SSR1: variants seen among roughly 807,000 people sequenced by gnomAD.
The protein encoded by SSR1 is signal sequence receptor subunit 1, also known as translocon-associated protein subunit alpha.
SSR1 carries 13 observed loss-of-function variants against 36.1 expected under a neutral mutation model. That is an observed-to-expected ratio of 0.36 (90% CI 0.23 to 0.57). The LOEUF (loss-of-function observed/expected upper bound fraction) is 0.57, where lower values mean the gene tolerates loss of function less well. Among genes scored for constraint, SSR1 ranks in the 20% least tolerant of loss-of-function variants. The probability of loss-of-function intolerance (pLI) is 0.81; values close to 1 mark genes in which losing one functional copy is unlikely to be tolerated. For synonymous variants in SSR1, 113 were observed against 118.9 expected (o/e 0.95, Z 0.32); for missense variants, 291 against 338.5 (o/e 0.86, Z 1.10).
chr6:7,303,918 T>TAA (rs1339442206), intron 2 of SSR1, among the ~76,000 whole-genome samples: 1 of 151,950 alleles, frequency 6.6e-6, no homozygotes, highest in Admixed American at 6.6e-5. Context: ...ATCCGGGAGG[T>TAA]AGAGGTTGTA....
intron 4 of SSR1, 104 bp downstream of exon 4, chr6:7,301,206 A>C (rs1757925594): frequency 7.1e-7 from 1 of 1,408,126 alleles, no homozygotes; most frequent in South Asian, 1.4e-5. Flanking sequence ...TCACAGGTTC[A>C]ACCACAAAAC....
intron 7 of SSR1, among the ~76,000 whole-genome samples, chr6:7,292,412 C>T (rs1757703548): frequency 6.6e-6 from 1 of 152,222 alleles, no homozygotes; most frequent in Non-Finnish European, 1.5e-5. Context: ...CATCCTTCTA[C>T]TCCCTTTTAC....
chr6:7,295,227 T>C, intron 7 of SSR1, 165 bp downstream of exon 7: 2 of 1,140,126 alleles, frequency 1.8e-6, no homozygotes, highest in Non-Finnish European at 2.5e-6. Flanking sequence ...ACACACTGAA[T>C]AAACCTTTAA....
rs1012568390 is a variant in SSR1, at chr6:7,286,164, T to C, written c.*3700A>G. ...CAGAACACAGCACGTGATTGATGTT[T>C]AATAAATGAGTTCCCTTCCCCCTTT... is the stretch of plus-strand genomic sequence containing the variant. On this transcript the variant is annotated 3_prime_UTR_variant, in exon 8 of 8. Coordinates refer to ENST00000244763, the MANE Select transcript of SSR1 (RefSeq NM_003144.5). The C allele has an allele frequency of 6.6e-6, 1 of 152,140 alleles. No individual in the cohort carries two copies. The highest frequency in any genetic ancestry group is 1.5e-5 in the Non-Finnish European group (1 of 68,032). 9.4% of individuals were successfully genotyped at this position (152,140 alleles called of 1,614,324 possible). A position where few individuals can be genotyped will look rare whatever the true frequency, so the allele number is the denominator to read the frequency against.
chr6:7,304,310 T>C (rs1211153068), intron 2 of SSR1, among the ~76,000 whole-genome samples: 1 of 152,164 alleles, frequency 6.6e-6, no homozygotes. Context: ...CCATAAAGCC[T>C]CTCTTGCAAC....
intron 7 of SSR1, among the ~76,000 whole-genome samples, chr6:7,292,364 T>C (rs1484425394): frequency 6.6e-6 from 1 of 151,962 alleles, no homozygotes; most frequent in African/African-American, 2.4e-5. Context: ...CACTAACACA[T>C]CCAGTCATAA....
chr6:7,294,657 C>T (rs1164693681), intron 7 of SSR1, among the ~76,000 whole-genome samples: 2 of 152,088 alleles, frequency 1.3e-5, no homozygotes, highest in African/African-American at 2.4e-5. Flanking sequence ...TGCCACTGCA[C>T]TCCAGCCTGG....
chr6:7,295,646 G>A (rs9502588), intron 6 of SSR1, among the ~76,000 whole-genome samples, 161 bp from the exon 7 acceptor site: 2,036 of 152,212 alleles, frequency 0.013, 43 homozygotes, highest in African/African-American at 0.047. Context: ...TGGGACTATA[G>A]GCACATACTA....
intron 6 of SSR1, among the ~76,000 whole-genome samples, chr6:7,295,891 G>A (rs1757784942): frequency 1.3e-5 from 2 of 152,104 alleles, no homozygotes; most frequent in African/African-American, 4.8e-5. Flanking sequence ...TTCATGTTAT[G>A]TACCACTGGT....
In SSR1 at chr6:7,289,949, GT is replaced by G; in HGVS notation, c.794-19del. 2 of 1,528,046 alleles carry G rather than the reference GT, an allele frequency of 1.3e-6. No homozygotes were observed. Among genetic ancestry groups the G allele is most frequent in the African/African-American group, 1.4e-5 (1 of 69,130 alleles). The allele number at this position is 1,528,046 out of a possible 1,614,324, so 94.7% of individuals were successfully genotyped here. On this transcript the variant is annotated intron_variant, in intron 7 of 7. Transcript: ENST00000244763. ...AGCTTTATCTGGAAGAAAAGAGAAA[GT>G]TTTAAGCTTGCCTATTATAAGTATA...
intron 5 of SSR1, among the ~76,000 whole-genome samples, chr6:7,298,243 A>G (rs1476379873): frequency 6.6e-6 from 1 of 152,232 alleles, no homozygotes; most frequent in African/African-American, 2.4e-5. Context: ...GCTCTATTCA[A>G]AAGCTTGGTT....
At position 7,282,993 on chromosome 6, in the gene SSR1, T is replaced by G. The variant is rs2113257261; in HGVS notation, c.*6871A>C. 1 of 152,388 alleles carries G rather than the reference T, an allele frequency of 6.6e-6. No homozygotes were observed. The highest frequency in any genetic ancestry group is 1.5e-5 in the Non-Finnish European group (1 of 68,042). The allele number at this position is 152,388 out of a possible 1,614,324, so 9.4% of individuals were successfully genotyped here. A position where few individuals can be genotyped will look rare whatever the true frequency, so the allele number is the denominator to read the frequency against. ...GCTTTGAATCTTCCACTGTGGATGA[T>G]GGCAACTGGTCCTTTTAGGAGAGCC... On this transcript the variant is annotated 3_prime_UTR_variant, in exon 8 of 8. Transcript: ENST00000244763.
At chr6:7,309,786 G>A in intron 2 of SSR1, 131 bp downstream of exon 2, 1 of 764,124 alleles carries the variant, frequency 1.3e-6, no homozygotes, top group Non-Finnish European at 2.2e-6. Context: ...CAGTCATGCT[G>A]AACTGTGGGT....
chr6:7,306,869 TCCA>T (rs1758074715), intron 2 of SSR1, among the ~76,000 whole-genome samples: 3 of 129,274 alleles, frequency 2.3e-5, no homozygotes, highest in South Asian at 2.7e-4. Flanking sequence ...TGAGCGGAGA[TCCA>T]CGCCACTGCA....
chr6:7,309,851 C>T, intron 2 of SSR1, 66 bp downstream of exon 2: 1 of 1,268,720 alleles, frequency 7.9e-7, no homozygotes. Context: ...TCTTTATTAG[C>T]AGCATGAGAA....
chr6:7,293,345 C>A (rs907028212), intron 7 of SSR1, among the ~76,000 whole-genome samples: 1 of 152,036 alleles, frequency 6.6e-6, no homozygotes, highest in South Asian at 2.1e-4. Context: ...CCCTCACCCC[C>A]CTCCTACCCT....
At position 7,298,804 on chromosome 6, in the gene SSR1, G is replaced by T; in HGVS notation, c.563C>A (p.Ala188Glu). 1.2e-6 allele frequency: 2 copies of T among 1,612,774 alleles called. No homozygotes were observed. The highest frequency in any genetic ancestry group is 1.7e-6 in the Non-Finnish European group (2 of 1,179,512). ...AACTGTAACTGTTTGATTGAAGACT[G>T]CATCTTGGAATACATTGCCCTGTTT... ...KDLNGNVFQD[A>E]VFNQTVTVIE... is the part of the protein sequence containing the mutation. Residue 188 changes from alanine (A) to glutamate (E), a missense_variant, in exon 5 of 8, where the codon GCA (alanine) becomes GAA (glutamate). Ala to Glu is a moderately radical substitution (Grantham distance 107). Coordinates refer to ENST00000244763, the MANE Select transcript of SSR1 (RefSeq NM_003144.5).
chr6:7,281,247 A>G lies in SSR1; in HGVS notation c.*8617T>C, dbSNP rs547321553. Reference sequence around the variant, plus strand: ...GGAGGTTAGACCAGTAACAACAACCAAGAAAGCAAAGTGCTCGTTTCCATC... The same window carrying G: ...GGAGGTTAGACCAGTAACAACAACCGAGAAAGCAAAGTGCTCGTTTCCATC... On this transcript the variant is annotated 3_prime_UTR_variant, in exon 8 of 8. Coordinates refer to ENST00000244763, the MANE Select transcript of SSR1 (RefSeq NM_003144.5). 6.6e-6 allele frequency: 1 copy of G among 152,206 alleles called. No individual in the cohort carries two copies. The highest frequency in any genetic ancestry group is 1.5e-5 in the Non-Finnish European group (1 of 68,030). 9.4% of individuals were successfully genotyped at this position (152,206 alleles called of 1,614,324 possible).
At chr6:7,308,181 A>C (rs1469932429) in intron 2 of SSR1, among the ~76,000 whole-genome samples, 1 of 152,212 alleles carries the variant, frequency 6.6e-6, no homozygotes, top group African/African-American at 2.4e-5. Context: ...CTCACAGATA[A>C]TCAGTAAGGA....
Sources: gnomAD v4.1 joint callset for allele counts (sites outside exome capture counted in the v4.1 genomes callset) on GRCh38, gnomAD v4.1.1 for gene constraint, MANE v1.5 for transcripts, NCBI Gene and HGNC (gene_info 2026-07-23, HGNC 2026-07-21) for gene names.